Variants in LARP4B observed in about 807,000 individuals in gnomAD.
The protein encoded by LARP4B is La ribonucleoprotein 4B, also known as la-related protein 4B.
LARP4B carries 12 observed loss-of-function variants against 89.8 expected under a neutral mutation model. That is an observed-to-expected ratio of 0.13 (90% CI 0.09 to 0.22). The LOEUF is 0.22. Among genes scored for constraint, LARP4B ranks in the 10% least tolerant of loss-of-function variants. LARP4B has a pLI of 1.00. For synonymous variants in LARP4B, 367 were observed against 363.3 expected (o/e 1.01, Z -0.12); for missense variants, 757 against 947.7 (o/e 0.80, Z 2.64).
intron 1 of LARP4B, chr10:903,389 T>G (rs1836396249): frequency 6.6e-6 from 1 of 152,256 alleles, no homozygotes; most frequent in Non-Finnish European, 1.5e-5. Context: ...TTTTATAATT[T>G]ACTTTTACCT....
intron 3 of LARP4B, among the ~76,000 whole-genome samples, chr10:876,237 A>G (rs990722445): frequency 1.3e-5 from 2 of 152,100 alleles, no homozygotes; most frequent in Non-Finnish European, 1.5e-5. Context: ...ACAAAAAATT[A>G]GCCGGGTGTG....
intron 3 of LARP4B, among the ~76,000 whole-genome samples, chr10:879,854 AC>A (rs1262872173): frequency 6.6e-6 from 1 of 151,632 alleles, no homozygotes; most frequent in Non-Finnish European, 1.5e-5. Flanking sequence ...GCTCAATGCA[AC>A]CTCCGCCTCC....
chr10:844,932 A>G, intron 6 of LARP4B, 45 bp downstream of exon 6: 1 of 1,397,778 alleles, frequency 7.2e-7, no homozygotes, highest in South Asian at 1.2e-5. Context: ...CTATTTGCAC[A>G]ATACTAGAAA....
rs181333357 is a variant in LARP4B, at chr10:820,511, T to G, written c.1530+289A>C. On this transcript the variant is annotated intron_variant, in intron 14 of 17. Coordinates refer to ENST00000316157, the MANE Select transcript of LARP4B (RefSeq NM_015155.3). ...AGAAGAGCTCACGTGCACACCCGTG[T>G]GTAGGCTGCAGTGCATGCGACAGCA... 1.1e-3 allele frequency: 430 copies of G among 378,078 alleles called. 1 individual carries two copies. The highest frequency in any genetic ancestry group is 1.5e-3 in the Middle Eastern group (2 of 1,378). 23.4% of individuals were successfully genotyped at this position (378,078 alleles called of 1,614,324 possible). A position where few individuals can be genotyped will look rare whatever the true frequency, so the allele number is the denominator to read the frequency against.
In LARP4B at chr10:884,295, G is replaced by T; in HGVS notation, c.141+152C>A. The T allele has an allele frequency of 5.9e-6, 4 of 681,022 alleles. No individual in the cohort carries two copies. In the Admixed American group the frequency reaches 6.8e-5, roughly 12 times the overall value. 42.2% of individuals were successfully genotyped at this position (681,022 alleles called of 1,614,324 possible). A position where few individuals can be genotyped will look rare whatever the true frequency, so the allele number is the denominator to read the frequency against. ...CAGTATTGACAGTTACCATACCCAG[G>T]GGTTGTGGTGATGAATGGATCCCCT... is the stretch of plus-strand genomic sequence containing the variant. On this transcript the variant is annotated intron_variant, in intron 3 of 17. Coordinates refer to ENST00000316157, the MANE Select transcript of LARP4B (RefSeq NM_015155.3).
chr10:914,544 C>T (rs561357934), intron 1 of LARP4B, among the ~76,000 whole-genome samples: 1 of 147,686 alleles, frequency 6.8e-6, no homozygotes, highest in East Asian at 2.0e-4. Context: ...CACCCGTAAT[C>T]CCAGCACTTT....
intron 6 of LARP4B, among the ~76,000 whole-genome samples, chr10:843,426 C>T (rs555344184): frequency 1.2e-4 from 18 of 152,244 alleles, no homozygotes; most frequent in South Asian, 1.0e-3. Flanking sequence ...AGGCCGGGCA[C>T]GGTGGCTCAC....
At chr10:905,452 C>T (rs1231304490) in intron 1 of LARP4B, among the ~76,000 whole-genome samples, 1 of 152,172 alleles carries the variant, frequency 6.6e-6, no homozygotes, top group African/African-American at 2.4e-5. Context: ...AATCACACCT[C>T]AGAAGTCAAG....
chr10:832,262 C>G (rs1297572701), intron 8 of LARP4B, among the ~76,000 whole-genome samples: 1 of 152,122 alleles, frequency 6.6e-6, no homozygotes, highest in Non-Finnish European at 1.5e-5. Flanking sequence ...CCAGGATGGT[C>G]TCGATCTCCT....
chr10:833,224 A>G (rs1322381491), intron 8 of LARP4B, among the ~76,000 whole-genome samples: 2 of 146,592 alleles, frequency 1.4e-5, no homozygotes, highest in East Asian at 4.2e-4. Context: ...AAAATACACT[A>G]ACACTAACGA....
chr10:969,228 C>T, the LARP4B span, among the ~76,000 whole-genome samples: 1 of 152,182 alleles, frequency 6.6e-6, no homozygotes, highest in Non-Finnish European at 1.5e-5. Flanking sequence ...ACGAGGTAGG[C>T]AGTGACAACC....
rs1445416939 is a variant in LARP4B, at chr10:836,423, A to T, written c.730T>A (p.Ser244Thr). The change falls in exon 8 of 18, where the codon TCT becomes ACT. Residue 244 changes from serine to threonine, a missense_variant. Transcript: ENST00000316157. ...NRCIVILREI[S>T]ESTPVEEVEA... ...CTTACTTCCACGGGGGTAGATTCAGATATTTCACGCAATATTACTATGCAG... is the reference window on the plus strand; with the variant it reads ...CTTACTTCCACGGGGGTAGATTCAGTTATTTCACGCAATATTACTATGCAG... 1.9e-6 allele frequency: 3 copies of T among 1,610,212 alleles called. No homozygotes were observed. Among genetic ancestry groups the T allele is most frequent in the South Asian group, 1.1e-5 (1 of 90,736 alleles).
At chr10:986,212 A>G in the LARP4B span, 1 of 152,268 alleles carries the variant, frequency 6.6e-6, no homozygotes, top group Non-Finnish European at 1.5e-5. Flanking sequence ...AAAGCTTTTT[A>G]CTGAGAAGTG....
the LARP4B span, among the ~76,000 whole-genome samples, chr10:953,699 A>G: frequency 2.0e-5 from 3 of 152,380 alleles, no homozygotes; most frequent in African/African-American, 7.2e-5. Flanking sequence ...CAAGTGCATA[A>G]CAGAATGGGC....
chr10:814,986 C>T lies in LARP4B; in HGVS notation c.1780G>A (p.Ala594Thr). The change falls in exon 16 of 18, where the codon GCA (alanine) becomes ACA (threonine). Residue 594 changes from alanine to threonine, a missense_variant. Coordinates refer to ENST00000316157, the MANE Select transcript of LARP4B (RefSeq NM_015155.3). This position sits in a 1 kb window ranked among gnomAD's most constrained non-coding sequence, Gnocchi z 4.4. ...PSVPASCAVS[A>T]TYERSPSPAH... is the part of the protein sequence containing the mutation. ...GGGGAGGGGGATCGCTCGTACGTTG[C>T]TGATACAGCACAAGAAGCCGGCACC... The T allele has an allele frequency of 1.9e-6, 3 of 1,607,988 alleles. No homozygotes were observed. The highest frequency in any genetic ancestry group is 2.6e-6 in the Non-Finnish European group (3 of 1,176,156).
At chr10:970,885 C>T in the LARP4B span, among the ~76,000 whole-genome samples, 1 of 152,186 alleles carries the variant, frequency 6.6e-6, no homozygotes, top group Non-Finnish European at 1.5e-5. Flanking sequence ...CTTCCCAGCC[C>T]AGCTGAGCGT....
At chr10:887,614 G>A (rs1368504962) in intron 1 of LARP4B, among the ~76,000 whole-genome samples, 1 of 151,964 alleles carries the variant, frequency 6.6e-6, no homozygotes, top group Non-Finnish European at 1.5e-5. Flanking sequence ...GGGAGGCTGA[G>A]GCAGGAGAAT....
At chr10:927,854 G>C (rs1386288143) in intron 1 of LARP4B, among the ~76,000 whole-genome samples, 3 of 152,172 alleles carry the variant, frequency 2.0e-5, no homozygotes, top group Non-Finnish European at 2.9e-5. Flanking sequence ...AATCTGAAAA[G>C]AATATCCCTA....
At chr10:834,905 C>T (rs1833115220) in intron 8 of LARP4B, among the ~76,000 whole-genome samples, 1 of 151,934 alleles carries the variant, frequency 6.6e-6, no homozygotes, top group Non-Finnish European at 1.5e-5. Context: ...AATCCCAGCA[C>T]TTTGGGAGGC....
Sources: gnomAD v4.1 joint callset for allele counts (sites outside exome capture counted in the v4.1 genomes callset) on GRCh38, gnomAD v4.1.1 for gene constraint, Gnocchi (gnomAD v3.1) non-coding constraint, MANE v1.5 for transcripts, NCBI Gene and HGNC (gene_info 2026-07-23, HGNC 2026-07-21) for gene names.